Variants in CERS3 observed in about 807,000 individuals in gnomAD.
The protein encoded by CERS3 is LAG1 homolog, ceramide synthase 3.
Under a neutral mutation model 50.3 loss-of-function variants are expected in CERS3, and 33 were observed. The ratio of observed to expected loss-of-function variants is 0.66; its 90% CI spans 0.50 to 0.88. The LOEUF (loss-of-function observed/expected upper bound fraction) is 0.88. CERS3 is among the 40% of genes least tolerant of loss of function. The pLI, the probability that CERS3 is intolerant of heterozygous loss-of-function variation, is 0.00. For synonymous variants in CERS3, 176 were observed against 155.2 expected (o/e 1.13, Z -0.99); for missense variants, 470 against 460.3 (o/e 1.02, Z -0.19).
intron 2 of CERS3, among the ~76,000 whole-genome samples, chr15:100,510,057 A>G (rs942296962): frequency 2.0e-5 from 3 of 152,172 alleles, no homozygotes; most frequent in Non-Finnish European, 2.9e-5. Context: ...TCTTTAAGAT[A>G]AAACACAAAG....
chr15:100,526,782 G>T (rs2036807419), intron 1 of CERS3, among the ~76,000 whole-genome samples: 1 of 151,962 alleles, frequency 6.6e-6, no homozygotes, highest in Non-Finnish European at 1.5e-5. Context: ...TTTGTTCACT[G>T]GTGATACCCC....
At chr15:100,456,171 T>A in intron 10 of CERS3, 125 bp from the exon 11 acceptor site, 1 of 578,700 alleles carries the variant, frequency 1.7e-6, no homozygotes. Flanking sequence ...GCCCAGAAAA[T>A]TATCAAAAGA....
chr15:100,421,780 C>T (rs1414404515), intron 11 of CERS3, among the ~76,000 whole-genome samples: 48 of 134,532 alleles, frequency 3.6e-4, no homozygotes, highest in Middle Eastern at 3.5e-3. Context: ...AATAATGCCG[C>T]GTATCTACAA....
At chr15:100,448,719 G>A (rs1225527507) in intron 11 of CERS3, among the ~76,000 whole-genome samples, 1 of 152,246 alleles carries the variant, frequency 6.6e-6, no homozygotes, top group East Asian at 1.9e-4. Flanking sequence ...CACTGCTGTG[G>A]CTGGCTGTTG....
upstream of CERS3, among the ~76,000 whole-genome samples, chr15:100,531,066 AGAGT>A (rs1156693675): frequency 6.6e-6 from 1 of 152,170 alleles, no homozygotes; most frequent in African/African-American, 2.4e-5. Flanking sequence ...CCTGGGTGAC[AGAGT>A]GAGACTCCTG....
intron 2 of CERS3, among the ~76,000 whole-genome samples, chr15:100,502,265 A>AG (rs1439108410): frequency 3.3e-4 from 46 of 138,908 alleles, no homozygotes; most frequent in African/African-American, 7.6e-4. Context: ...AAAAAAAAAA[A>AG]AAAAAGAAAG....
chr15:100,538,648 C>T (rs113698909), intron 1 of CERS3, among the ~76,000 whole-genome samples: 2,749 of 152,262 alleles, frequency 0.018, 92 homozygotes, highest in African/African-American at 0.064. Context: ...GGCCCTGGGC[C>T]GAGCCCACAA....
chr15:100,514,913 T>C (rs536422234), intron 2 of CERS3, among the ~76,000 whole-genome samples: 1 of 152,374 alleles, frequency 6.6e-6, no homozygotes, highest in South Asian at 2.1e-4. Context: ...ACTCTTTTCT[T>C]ATTTGATTAT....
At chr15:100,415,934 C>T (rs2031866716) in intron 11 of CERS3, among the ~76,000 whole-genome samples, 1 of 140,660 alleles carries the variant, frequency 7.1e-6, no homozygotes, top group Admixed American at 7.3e-5. Flanking sequence ...TGTTCTGCAT[C>T]TGTATCCTGC....
chr15:100,503,741 T>A (rs1245630264), intron 2 of CERS3: 1 of 470,808 alleles, frequency 2.1e-6, no homozygotes, highest in African/African-American at 2.0e-5. Flanking sequence ...GTGTGAAGCA[T>A]GCCTCAGGAG....
intron 4 of CERS3, 104 bp from the exon 5 acceptor site, chr15:100,484,772 G>A: frequency 3.7e-6 from 3 of 818,230 alleles, no homozygotes; most frequent in Non-Finnish European, 6.1e-6. Flanking sequence ...TACTGGGGAT[G>A]AGAGAAATTC....
chr15:100,407,359 T>C (rs2031124279), intron 11 of CERS3, among the ~76,000 whole-genome samples: 1 of 152,224 alleles, frequency 6.6e-6, no homozygotes, highest in African/African-American at 2.4e-5. Flanking sequence ...TGGAACTTTA[T>C]AGCATCTTGG....
At chr15:100,537,975 C>T (rs1226806619) in intron 1 of CERS3, among the ~76,000 whole-genome samples, 1 of 152,198 alleles carries the variant, frequency 6.6e-6, no homozygotes, top group Non-Finnish European at 1.5e-5. Context: ...TGGGTAAACA[C>T]ACCCATTCAA....
At chr15:100,444,375 G>T (rs975969522) in intron 11 of CERS3, among the ~76,000 whole-genome samples, 18 of 4,026 alleles carry the variant, frequency 4.5e-3, no homozygotes, top group South Asian at 0.25. Context: ...ACATTATTCC[G>T]GATACACACC....
At chr15:100,480,784 G>C (rs1269841272) in intron 5 of CERS3, among the ~76,000 whole-genome samples, 7 of 152,110 alleles carry the variant, frequency 4.6e-5, no homozygotes, top group Non-Finnish European at 1.0e-4. Flanking sequence ...ATCTTTTCGA[G>C]ATACATGCTA....
At chr15:100,432,660 A>C (rs2033192478) in intron 11 of CERS3, among the ~76,000 whole-genome samples, 1 of 152,256 alleles carries the variant, frequency 6.6e-6, no homozygotes, top group African/African-American at 2.4e-5. Context: ...TCTGGATAAA[A>C]TAGAACAAGA....
At chr15:100,450,660 G>A (rs900352716) in intron 11 of CERS3, among the ~76,000 whole-genome samples, 4 of 152,152 alleles carry the variant, frequency 2.6e-5, no homozygotes, top group African/African-American at 7.2e-5. Context: ...TAGCTGAAGT[G>A]TTCCCAAGTT....
chr15:100,418,663 G>T (rs1461853570), intron 11 of CERS3, among the ~76,000 whole-genome samples: 1 of 131,058 alleles, frequency 7.6e-6, no homozygotes, highest in African/African-American at 2.8e-5. Flanking sequence ...AGGAAAAAAT[G>T]TTAAGGGCAG....
chr15:100,466,812 C>CCTCTCTCCCTCT (rs1393821849), intron 10 of CERS3, among the ~76,000 whole-genome samples: 13 of 16,252 alleles, frequency 8.0e-4, no homozygotes, highest in African/African-American at 9.4e-4. Context: ...TCCCTCCCTC[C>CCTCTCTCCCTCT]CTCCCTCTCT....
Sources: allele counts gnomAD v4.1 joint callset (sites outside exome capture counted in the v4.1 genomes callset), GRCh38; gene constraint gnomAD v4.1.1; transcripts MANE v1.5; gene names NCBI Gene and HGNC (gene_info 2026-07-23, HGNC 2026-07-21).